JAKMIP3: variants seen among roughly 807,000 people sequenced by gnomAD.
JAKMIP3 encodes Janus kinase and microtubule interacting protein 3, also known as janus kinase and microtubule-interacting protein 3.
JAKMIP3 carries 58 observed loss-of-function variants against 118.5 expected under a neutral mutation model. The observed-to-expected ratio is 0.49, with a 90% CI of 0.40 to 0.61. The LOEUF (loss-of-function observed/expected upper bound fraction) is 0.61. JAKMIP3 is among the 20% of genes least tolerant of loss of function. JAKMIP3 has a pLI of 0.00. For missense variants in JAKMIP3, 950 were observed against 1,109.0 expected (o/e 0.86, Z 2.04); for synonymous variants, 486 against 451.2 (o/e 1.08, Z -0.98).
At chr10:132,043,578 G>C (rs986905710) in intron 1 of JAKMIP3, among the ~76,000 whole-genome samples, 1 of 152,224 alleles carries the variant, frequency 6.6e-6, no homozygotes, top group Admixed American at 6.5e-5. Context: ...TTCAGTCCTA[G>C]TCAGGATTCC....
At chr10:132,180,746 C>CGTGTGTGTGTGT (rs1386218178) in intron 23 of JAKMIP3, among the ~76,000 whole-genome samples, 1 of 10,750 alleles carries the variant, frequency 9.3e-5, no homozygotes, top group African/African-American at 2.9e-4. Context: ...TGCGTGCGTG[C>CGTGTGTGTGTGT]GCGCGCGTGT....
Position 132,117,178 on chromosome 10 carries a change from G to A in JAKMIP3, c.237G>A (p.Leu79=), listed in dbSNP as rs1002560053. The change falls in exon 3 of 24, where the codon CTG becomes CTA. Residue 79 remains leucine, a synonymous_variant. Coordinates refer to ENST00000684848, the MANE Select transcript of JAKMIP3 (RefSeq NM_001323087.2). The surrounding 1 kb of genome is among the most constrained non-coding windows in gnomAD (Gnocchi z 8.6). ...AVLLTELKTK[L]HEEKMKELQA... is the part of the protein sequence containing the mutation. ...TGCTCACGGAGCTCAAGACAAAGCT[G>A]CACGAGGAGAAGATGAAGGAGCTAC... 10 of 1,613,808 alleles carry A rather than the reference G, an allele frequency of 6.2e-6. No homozygotes were observed. Among genetic ancestry groups the A allele is most frequent in the Non-Finnish European group, 7.6e-6 (9 of 1,179,918 alleles).
intron 19 of JAKMIP3, among the ~76,000 whole-genome samples, chr10:132,159,219 CATCTCTCCCTGTGTGATGCTGGGGGG>C (rs1564980506): frequency 1.7e-4 from 4 of 23,434 alleles, no homozygotes; most frequent in Non-Finnish European, 2.9e-4. Context: ...GCTGTGGGGG[CATCTCTCCCTGTGTGATGCTGGGGGG>C]GCCTCTCCCT....
In JAKMIP3 at chr10:132,109,107, C is replaced by T. The variant is rs558474828; in HGVS notation, c.135+4164C>T. Among the ~76,000 whole-genome samples the T allele has an allele frequency of 2.6e-3, 312 of 121,830 alleles. 9 individuals are homozygous for T. The highest frequency in any genetic ancestry group is 9.7e-3 in the African/African-American group (280 of 28,982). 79.9% of individuals were successfully genotyped at this position (121,830 alleles called of 152,430 possible). A position where few individuals can be genotyped will look rare whatever the true frequency, so the allele number is the denominator to read the frequency against. ...ATATACACACACATATATATATACA[C>T]ACACACATATATATATACACACACA... On this transcript the variant is annotated intron_variant, in intron 2 of 23. Transcript: ENST00000684848.
intron 1 of JAKMIP3, among the ~76,000 whole-genome samples, chr10:132,047,733 C>T (rs2037961708): frequency 7.7e-6 from 1 of 129,408 alleles, no homozygotes; most frequent in Non-Finnish European, 1.7e-5. Context: ...CCCCACCGCG[C>T]CACGAGCTTT....
chr10:132,131,636 C>CAGGAG (rs1217653543), intron 3 of JAKMIP3, among the ~76,000 whole-genome samples: 2 of 152,014 alleles, frequency 1.3e-5, no homozygotes, highest in East Asian at 3.9e-4. Context: ...GGAGAGGACA[C>CAGGAG]AGGGCGGCCG....
At position 132,133,381 on chromosome 10, in the gene JAKMIP3, C is replaced by T. The variant is rs1189231911; in HGVS notation, c.703C>T (p.His235Tyr). The change falls in exon 4 of 24, where the codon CAT becomes TAT. Residue 235 changes from histidine (H) to tyrosine (Y), a missense_variant. Transcript: ENST00000684848. ...LERELGVQAG[H>Y]AQRLQLQKEA... Reference sequence around the variant, plus strand: ...GAGAGAGTTAGGGGTTCAAGCCGGGCATGCTCAGAGACTGCAGCTCCAAAA... The same window carrying T: ...GAGAGAGTTAGGGGTTCAAGCCGGGTATGCTCAGAGACTGCAGCTCCAAAA... The T allele has an allele frequency of 6.2e-7, 1 of 1,602,680 alleles. No homozygotes were observed. Among genetic ancestry groups the T allele is most frequent in the Non-Finnish European group, 8.5e-7 (1 of 1,174,692 alleles).
At chr10:132,144,989 C>G in intron 11 of JAKMIP3, 118 bp from the exon 12 acceptor site, 1 of 747,880 alleles carries the variant, frequency 1.3e-6, no homozygotes, top group East Asian at 2.8e-5. Context: ...GAAGGGCGAA[C>G]AGTCACTTCT....
chr10:132,164,614 T>G, intron 20 of JAKMIP3, 56 bp from the exon 21 acceptor site: 1 of 1,136,980 alleles, frequency 8.8e-7, no homozygotes, highest in Non-Finnish European at 1.3e-6. Flanking sequence ...TCTTGAAGGA[T>G]TTGGGTTTCC....
intron 1 of JAKMIP3, among the ~76,000 whole-genome samples, chr10:132,093,111 C>T (rs975246057): frequency 4.6e-5 from 7 of 152,300 alleles, no homozygotes; most frequent in African/African-American, 1.7e-4. Flanking sequence ...AATATTGCTG[C>T]CTGATCATTC....
chr10:132,131,582 G>C (rs1363333054), intron 3 of JAKMIP3, among the ~76,000 whole-genome samples: 1 of 152,016 alleles, frequency 6.6e-6, no homozygotes, highest in Non-Finnish European at 1.5e-5. Flanking sequence ...CTTGTTTGTG[G>C]AGCTGACTCT....
chr10:132,174,743 G>A (rs1313370224), intron 23 of JAKMIP3, among the ~76,000 whole-genome samples: 2 of 152,082 alleles, frequency 1.3e-5, no homozygotes, highest in South Asian at 2.1e-4. Context: ...GAGGATTTCC[G>A]TTGCCCCACA....
upstream of JAKMIP3, among the ~76,000 whole-genome samples, chr10:132,036,487 C>A (rs1259906329): frequency 6.6e-6 from 1 of 152,118 alleles, no homozygotes; most frequent in African/African-American, 2.4e-5. Flanking sequence ...TTTTCAGCCA[C>A]GCCGAGCCCT....
intron 1 of JAKMIP3, among the ~76,000 whole-genome samples, chr10:132,070,828 T>G (rs1380583026): frequency 6.6e-6 from 1 of 152,196 alleles, no homozygotes; most frequent in Non-Finnish European, 1.5e-5. Context: ...AGGAGATGGT[T>G]TCTTCTCCAG....
chr10:132,140,373 G>A lies in JAKMIP3; in HGVS notation c.1345-78G>A, dbSNP rs191798603. On this transcript the variant is annotated intron_variant, in intron 9 of 23. Coordinates refer to ENST00000684848, the MANE Select transcript of JAKMIP3 (RefSeq NM_001323087.2). ...GTGGGGCTGCGGCCCCCACCGTTGG[G>A]CAGCGGGAGGAGGCGGCGGGAGGAG... The A allele has an allele frequency of 8.8e-6, 14 of 1,590,078 alleles. No individual in the cohort carries two copies. In the East Asian group the frequency reaches 3.1e-4, roughly 36 times the overall value.
Position 132,137,014 on chromosome 10 carries a change from T to A in JAKMIP3, c.1117-5T>A. ...ACTTGTGATGTGGGCTGCTTGGCGT[T>A]TCAGAGACAGAGAGCTGGAATCATA... On this transcript the variant is annotated splice_region_variant and splice_polypyrimidine_tract_variant and intron_variant, in intron 6 of 23. Transcript: ENST00000684848. The A allele has an allele frequency of 6.2e-7, 1 of 1,612,880 alleles. No individual in the cohort carries two copies. The highest frequency in any genetic ancestry group is 8.5e-7 in the Non-Finnish European group (1 of 1,179,306).
chr10:132,099,061 A>C (rs1332427617), intron 1 of JAKMIP3, among the ~76,000 whole-genome samples: 1 of 152,000 alleles, frequency 6.6e-6, no homozygotes, highest in Admixed American at 6.6e-5. Flanking sequence ...GATGCCCCCG[A>C]ATCACAGGAG....
At chr10:132,174,918 A>G (rs180719954) in intron 23 of JAKMIP3, among the ~76,000 whole-genome samples, 17 of 152,282 alleles carry the variant, frequency 1.1e-4, no homozygotes, top group African/African-American at 3.6e-4. Flanking sequence ...TTGGTGAAAC[A>G]TCTGTTCAGA....
chr10:132,130,534 G>C (rs1378843768), intron 3 of JAKMIP3, among the ~76,000 whole-genome samples: 1 of 152,224 alleles, frequency 6.6e-6, no homozygotes, highest in Non-Finnish European at 1.5e-5. Flanking sequence ...CCTGCCAGAC[G>C]TGAGGGCTCC....
Sources: allele counts gnomAD v4.1 joint callset (sites outside exome capture counted in the v4.1 genomes callset), GRCh38; gene constraint gnomAD v4.1.1; non-coding constraint Gnocchi (gnomAD v3.1); transcripts MANE v1.5; gene names NCBI Gene and HGNC (gene_info 2026-07-23, HGNC 2026-07-21).